Variants in ARID2 observed in about 807,000 individuals in gnomAD.
ARID2 encodes the protein AT-rich interaction domain 2.
ARID2 carries 32 observed loss-of-function variants against 184.6 expected under a neutral mutation model. That is an observed-to-expected ratio of 0.17 (90% CI 0.13 to 0.23). The LOEUF (loss-of-function observed/expected upper bound fraction) is 0.23, where lower values mean the gene tolerates loss of function less well. Ranked by LOEUF, ARID2 falls within the 10% of genes least tolerant of loss-of-function variation. The pLI, the probability that ARID2 is intolerant of heterozygous loss-of-function variation, is 1.00. For missense variants in ARID2, 1,696 were observed against 2,197.6 expected, an observed-to-expected ratio of 0.77 and a Z score of 4.56; for synonymous variants, 836 against 772.6, an observed-to-expected ratio of 1.08 and a Z score of -1.36.
chr12:45,738,126 G>T (rs1419175245), intron 3 of ARID2, among the ~76,000 whole-genome samples: 2 of 151,608 alleles, frequency 1.3e-5, no homozygotes, highest in Non-Finnish European at 1.5e-5. Context: ...TCCAAATGGG[G>T]TACCATTTGT....
chr12:45,878,880 T>C (rs1944053768), intron 16 of ARID2, among the ~76,000 whole-genome samples: 1 of 152,210 alleles, frequency 6.6e-6, no homozygotes, highest in Admixed American at 6.5e-5. Flanking sequence ...CGTGAGGTTT[T>C]ATGTTTATCT....
At chr12:45,880,715 C>A (rs142042071) in intron 16 of ARID2, among the ~76,000 whole-genome samples, 6 of 152,312 alleles carry the variant, frequency 3.9e-5, no homozygotes, top group African/African-American at 9.6e-5. Flanking sequence ...GTTATTTATA[C>A]ATGCTGATGT....
chr12:45,808,236 T>C (rs962457178), intron 3 of ARID2, among the ~76,000 whole-genome samples: 1 of 152,214 alleles, frequency 6.6e-6, no homozygotes, highest in African/African-American at 2.4e-5. Context: ...CTTTGTGTTT[T>C]AGCTGTGTTC....
intron 3 of ARID2, among the ~76,000 whole-genome samples, chr12:45,795,619 C>T (rs1191963185): frequency 2.0e-5 from 3 of 151,698 alleles, no homozygotes; most frequent in Non-Finnish European, 4.4e-5. Flanking sequence ...GTATTTTTTA[C>T]TAGAGACGGG....
chr12:45,851,189 A>G lies in ARID2; in HGVS notation c.3066A>G (p.Pro1022=), dbSNP rs748660514. Residue 1022 remains proline, a synonymous_variant, in exon 15 of 21, where the codon CCA becomes CCG. Transcript: ENST00000334344. ...AGCAGCAACATTCACCAGCACCCCC[A>G]CCACAGCAGGTACAAGTACAAGTTC... ...QQQQQHSPAP[P]PQQVQVQVQQ... is the part of the protein sequence containing the mutation. 1 of 1,614,048 alleles carries G rather than the reference A, an allele frequency of 6.2e-7. No individual in the cohort carries two copies. Among genetic ancestry groups the G allele is most frequent in the African/African-American group, 1.3e-5 (1 of 75,000 alleles).
At position 45,901,150 on chromosome 12, in the gene ARID2, CTTAATTTTTTTTTTT is replaced by C. The variant is rs1565645543; in HGVS notation, c.5364-3781_5364-3767del. Among the ~76,000 whole-genome samples, 133 of 97,502 alleles carry C rather than the reference CTTAATTTTTTTTTTT, an allele frequency of 1.4e-3. 7 individuals carry two copies. The South Asian group carries it at 0.042, about 31-fold the overall frequency. 64.0% of individuals were successfully genotyped at this position (97,502 alleles called of 152,430 possible). ...GTTTAATCTATTTTTTGGAAATTTC[CTTAATTTTTTTTTTT>C]TTTTTTTTTTTTTTTTTTTTTTTGA... On this transcript the variant is annotated intron_variant, in intron 20 of 20. Coordinates refer to ENST00000334344, the MANE Select transcript of ARID2 (RefSeq NM_152641.4).
intron 3 of ARID2, among the ~76,000 whole-genome samples, chr12:45,788,187 ACTATTAATG>A (rs1048050215): frequency 6.6e-6 from 1 of 152,192 alleles, no homozygotes; most frequent in African/African-American, 2.4e-5. Flanking sequence ...CATGAGCATT[ACTATTAATG>A]CTATTAATTG....
rs752827941 is a variant in ARID2 at position 45,905,104 on chromosome 12, G to A, written c.*26G>A. On this transcript the variant is annotated 3_prime_UTR_variant, in exon 21 of 21. Transcript: ENST00000334344. The stretch of plus-strand genomic sequence containing the variant: ...AAAATAATTCCACTTACACAGTGGG[G>A]GACTCAAAGTCAGCCACATTTCACA... 1.9e-6 allele frequency: 3 copies of A among 1,604,810 alleles called. No homozygotes were observed. Among genetic ancestry groups the A allele is most frequent in the South Asian group, 2.2e-5 (2 of 89,852 alleles).
In ARID2 at chr12:45,737,148, A is replaced by G. The variant is rs370731860; in HGVS notation, c.284+5834A>G. On this transcript the variant is annotated intron_variant, in intron 3 of 20. Coordinates refer to ENST00000334344, the MANE Select transcript of ARID2 (RefSeq NM_152641.4). ...TTGACTAAATACATTGCAATAAACT[A>G]TTGCTGGAATGGAAGTCTCTTAGTG... Among the ~76,000 whole-genome samples the G allele has an allele frequency of 2.0e-4, 30 of 152,316 alleles. No individual in the cohort carries two copies. In the East Asian group the frequency reaches 5.0e-3, roughly 25 times the overall value.
At chr12:45,807,143 T>C (rs1204007876) in intron 3 of ARID2, among the ~76,000 whole-genome samples, 1 of 152,174 alleles carries the variant, frequency 6.6e-6, no homozygotes, top group African/African-American at 2.4e-5. Context: ...TTGCTTTAAA[T>C]GTATCAGAAT....
chr12:45,785,185 CA>C (rs1206468113), intron 3 of ARID2, among the ~76,000 whole-genome samples: 1 of 152,152 alleles, frequency 6.6e-6, no homozygotes, highest in Non-Finnish European at 1.5e-5. Context: ...ATTATAGAGA[CA>C]GGAGCACAGA....
intron 20 of ARID2, among the ~76,000 whole-genome samples, chr12:45,899,792 C>T (rs1241179075): frequency 6.9e-6 from 1 of 144,616 alleles, no homozygotes; most frequent in Non-Finnish European, 1.5e-5. Flanking sequence ...CCCCCTCCCA[C>T]CTCCAAGGGG....
At chr12:45,808,737 G>GTGCC (rs1491494924) in intron 3 of ARID2, among the ~76,000 whole-genome samples, 3 of 92,452 alleles carry the variant, frequency 3.2e-5, no homozygotes, top group African/African-American at 1.2e-4. Flanking sequence ...GTTTGCGTGC[G>GTGCC]TGTGTGTGTG....
intron 6 of ARID2, 71 bp downstream of exon 6, chr12:45,821,558 G>A: frequency 2.1e-6 from 2 of 952,726 alleles, no homozygotes; most frequent in Non-Finnish European, 3.0e-6. Flanking sequence ...ATCAGTGGTT[G>A]CTTATTTAAT....
chr12:45,850,207 A>G lies in ARID2; in HGVS notation c.2084A>G (p.Gln695Arg). ...AATCCTTCACCTCATACCCACCAGCAACAAAATGCTCCAGTGACTGTCATT... is the reference window on the plus strand; with the variant it reads ...AATCCTTCACCTCATACCCACCAGCGACAAAATGCTCCAGTGACTGTCATT... ...PQNPSPHTHQ[Q>R]QNAPVTVIQS... The change falls in exon 15 of 21, where the codon CAA (glutamine) becomes CGA (arginine). Residue 695 changes from glutamine to arginine, a missense_variant. By Grantham distance (43) the Gln-to-Arg change is conservative. This residue lies in a region of ARID2 where 713 missense variants were observed against 824.4 expected (regional missense o/e 0.86). Transcript: ENST00000334344. 1 of 1,614,138 alleles carries G rather than the reference A, an allele frequency of 6.2e-7. No individual in the cohort carries two copies. Among genetic ancestry groups the G allele is most frequent in the Non-Finnish European group, 8.5e-7 (1 of 1,179,994 alleles).
intron 16 of ARID2, among the ~76,000 whole-genome samples, chr12:45,877,054 T>C (rs377311058): frequency 7.0e-6 from 1 of 142,414 alleles, no homozygotes; most frequent in African/African-American, 2.7e-5. Context: ...ATCACGCCAC[T>C]GCACTCCAGC....
chr12:45,740,065 A>C (rs763737986), intron 3 of ARID2, among the ~76,000 whole-genome samples: 42 of 152,184 alleles, frequency 2.8e-4, no homozygotes, highest in Non-Finnish European at 5.6e-4. Flanking sequence ...TGTGCTTGCA[A>C]ATAATAGGTA....
chr12:45,841,040 A>G (rs1398010028), intron 11 of ARID2: 2 of 152,206 alleles, frequency 1.3e-5, no homozygotes, highest in African/African-American at 4.8e-5. Context: ...TGGTTTCTCA[A>G]CCTTGAGAAA....
chr12:45,751,678 C>G (rs1197593346), intron 3 of ARID2, among the ~76,000 whole-genome samples: 1 of 152,162 alleles, frequency 6.6e-6, no homozygotes, highest in African/African-American at 2.4e-5. Flanking sequence ...GCTGGTAGAG[C>G]CTACTACACA....
Sources: gnomAD v4.1 joint callset for allele counts (sites outside exome capture counted in the v4.1 genomes callset) on GRCh38, gnomAD v4.1.1 for gene constraint, gnomAD v4.1.1 regional missense constraint, MANE v1.5 for transcripts, NCBI Gene and HGNC (gene_info 2026-07-23, HGNC 2026-07-21) for gene names.